The following PPP2R2B variants were observed in gnomAD, a reference collection of about 807,000 sequenced individuals.
The protein encoded by PPP2R2B is protein phosphatase 2 regulatory subunit Bbeta.
In PPP2R2B, 5 loss-of-function variants were observed where a neutral mutation model predicts 46.0. That is an observed-to-expected ratio of 0.11 (90% CI 0.06 to 0.23). PPP2R2B has a LOEUF of 0.23. Among genes scored for constraint, PPP2R2B ranks in the 10% least tolerant of loss-of-function variants. The pLI is 1.00. For synonymous variants in PPP2R2B, 215 were observed against 206.7 expected (o/e 1.04, Z -0.34); for missense variants, 367 against 575.0 (o/e 0.64, Z 3.70).
chr5:146,923,508 G>A (rs1763679261), intron 1 of PPP2R2B, among the ~76,000 whole-genome samples: 1 of 152,304 alleles, frequency 6.6e-6, no homozygotes, highest in East Asian at 1.9e-4. Flanking sequence ...TGCACCATTG[G>A]CATTCCTAAT....
chr5:146,897,114 A>G (rs1762669575), intron 1 of PPP2R2B, among the ~76,000 whole-genome samples: 1 of 152,242 alleles, frequency 6.6e-6, no homozygotes, highest in Non-Finnish European at 1.5e-5. Context: ...AGGGTCATTA[A>G]GTGAACGATG....
chr5:146,963,185 T>C (rs545049962), intron 1 of PPP2R2B, among the ~76,000 whole-genome samples: 103 of 152,334 alleles, frequency 6.8e-4, no homozygotes, highest in African/African-American at 2.3e-3. Context: ...GTGGTGGTTA[T>C]AACCTGGTAT....
chr5:146,902,287 C>G (rs139640028), intron 1 of PPP2R2B, among the ~76,000 whole-genome samples: 3 of 152,248 alleles, frequency 2.0e-5, no homozygotes, highest in East Asian at 1.9e-4. Context: ...ATATTGTCAT[C>G]TCAGCATTGT....
At position 146,919,736 on chromosome 5, in the gene PPP2R2B, A is replaced by G. The variant is rs143979652; in HGVS notation, c.79+135929T>C. ...GACATCTCCATGGACAGCCCAAACA[A>G]TAGCTCCAGATTCTTGCTATGTAGT... On this transcript the variant is annotated intron_variant, in intron 1 of 8. Coordinates refer to the PPP2R2B transcript ENST00000336640. 1.2e-4 allele frequency: 18 copies of G among 152,316 alleles called. No individual in the cohort carries two copies. The East Asian group carries it at 3.5e-3, about 29-fold the overall frequency. The allele number at this position is 152,316 out of a possible 1,614,324, so 9.4% of individuals were successfully genotyped here. A position where few individuals can be genotyped will look rare whatever the true frequency, so the allele number is the denominator to read the frequency against.
At chr5:146,658,214 T>G (rs1776460722) in intron 5 of PPP2R2B, among the ~76,000 whole-genome samples, 1 of 152,176 alleles carries the variant, frequency 6.6e-6, no homozygotes, top group Non-Finnish European at 1.5e-5. Flanking sequence ...CCTGGTGCTC[T>G]GGGACCACAG....
intron 1 of PPP2R2B, among the ~76,000 whole-genome samples, chr5:147,012,103 A>T (rs1754765158): frequency 1.3e-5 from 2 of 150,226 alleles, no homozygotes; most frequent in South Asian, 4.3e-4. Flanking sequence ...AAAATGAGTT[A>T]GGGAGGATTC....
chr5:147,064,793 T>C (rs1227733945), intron 2 of PPP2R2B, among the ~76,000 whole-genome samples: 3 of 152,184 alleles, frequency 2.0e-5, no homozygotes. Flanking sequence ...CATTGAAAAA[T>C]AGCAGCTCTA....
intron 5 of PPP2R2B, among the ~76,000 whole-genome samples, chr5:146,674,957 A>G (rs1016225434): frequency 6.6e-6 from 1 of 151,936 alleles, no homozygotes; most frequent in African/African-American, 2.4e-5. Context: ...GTGGTATTAT[A>G]TTATTATTAT....
intron 2 of PPP2R2B, among the ~76,000 whole-genome samples, chr5:146,718,774 T>C (rs559438058): frequency 3.9e-4 from 59 of 152,282 alleles, no homozygotes; most frequent in South Asian, 6.2e-4. Context: ...CAGTGAACTA[T>C]TTCAGTCACA....
chr5:146,936,280 A>G (rs1267663118), intron 1 of PPP2R2B, among the ~76,000 whole-genome samples: 1 of 152,092 alleles, frequency 6.6e-6, no homozygotes, highest in Non-Finnish European at 1.5e-5. Context: ...ATTTGATACA[A>G]TCATTGTGCC....
chr5:146,971,978 A>C (rs533986152), intron 1 of PPP2R2B, among the ~76,000 whole-genome samples: 34 of 152,176 alleles, frequency 2.2e-4, no homozygotes, highest in Non-Finnish European at 4.4e-4. Context: ...CTAAACTTCA[A>C]ATTTTATTTG....
chr5:146,882,922 T>C (rs1368921837), upstream of PPP2R2B, among the ~76,000 whole-genome samples: 2 of 152,214 alleles, frequency 1.3e-5, no homozygotes, highest in Non-Finnish European at 1.5e-5. Flanking sequence ...TGACAGCATG[T>C]GGATACATTC....
chr5:146,815,308 G>A (rs1230127865), intron 2 of PPP2R2B, among the ~76,000 whole-genome samples: 2 of 152,138 alleles, frequency 1.3e-5, no homozygotes, highest in African/African-American at 2.4e-5. Context: ...TACAAAACCC[G>A]GATTTCCTCT....
At chr5:146,873,379 A>T (rs1190878576) in intron 2 of PPP2R2B, among the ~76,000 whole-genome samples, 2 of 152,218 alleles carry the variant, frequency 1.3e-5, no homozygotes, top group African/African-American at 2.4e-5. Context: ...CACAGCAGCC[A>T]GATTAAACTT....
chr5:146,664,082 C>T (rs1048294956), intron 5 of PPP2R2B, among the ~76,000 whole-genome samples: 1 of 151,964 alleles, frequency 6.6e-6, no homozygotes, highest in African/African-American at 2.4e-5. Flanking sequence ...ACTTGTGATC[C>T]ACCCACCTTG....
chr5:146,849,640 C>T (rs1237942071), intron 2 of PPP2R2B, among the ~76,000 whole-genome samples: 1 of 152,046 alleles, frequency 6.6e-6, no homozygotes, highest in South Asian at 2.1e-4. Context: ...CAAGAGGGTG[C>T]ACTAACAAAG....
chr5:147,021,394 G>A (rs1755261109), intron 1 of PPP2R2B, among the ~76,000 whole-genome samples: 1 of 152,186 alleles, frequency 6.6e-6, no homozygotes, highest in African/African-American at 2.4e-5. Context: ...GAAAGAGTTT[G>A]AGAAATCTGC....
At chr5:146,706,627 C>A in intron 2 of PPP2R2B, 1 of 809,598 alleles carries the variant, frequency 1.2e-6, no homozygotes. Flanking sequence ...TCTGCGATGC[C>A]GGCCTCCAGG....
chr5:146,894,237 A>C (rs1762577666), intron 1 of PPP2R2B, among the ~76,000 whole-genome samples: 1 of 152,210 alleles, frequency 6.6e-6, no homozygotes, highest in South Asian at 2.1e-4. Flanking sequence ...GCCCTGCTTA[A>C]AGTTCTTGAG....
Sources: gnomAD v4.1 joint callset for allele counts (sites outside exome capture counted in the v4.1 genomes callset) on GRCh38, gnomAD v4.1.1 for gene constraint, MANE v1.5 for transcripts, NCBI Gene and HGNC (gene_info 2026-07-23, HGNC 2026-07-21) for gene names.